Variants in RAB40B observed in about 807,000 individuals in gnomAD.
RAB40B encodes the protein RAB40B, member RAS oncogene family.
In RAB40B, 21 loss-of-function variants were observed where a neutral mutation model predicts 24.0. The observed-to-expected ratio is 0.88, with a 90% CI of 0.62 to 1.26. RAB40B has a LOEUF of 1.26. Among genes scored for constraint, RAB40B ranks in the 50% most tolerant of loss-of-function variants. The pLI, the probability that RAB40B is intolerant of heterozygous loss-of-function variation, is 0.00. For missense variants in RAB40B, 348 were observed against 390.5 expected, an observed-to-expected ratio of 0.89 and a Z score of 0.92; for synonymous variants, 167 against 169.8, an observed-to-expected ratio of 0.98 and a Z score of 0.13.
In RAB40B at chr17:82,689,197, G is replaced by C. The variant is rs546800996; in HGVS notation, c.142+9258C>G. Among the ~76,000 whole-genome samples the C allele has an allele frequency of 3.3e-5, 5 of 152,372 alleles. No individual in the cohort carries two copies. In the South Asian group the frequency reaches 1.0e-3, roughly 32 times the overall value. On this transcript the variant is annotated intron_variant, in intron 1 of 5. Coordinates refer to ENST00000571995, the MANE Select transcript of RAB40B (RefSeq NM_006822.3). ...CTTCACTCCAAATGCACCCAGCGCG[G>C]AGCAGCCTGCACTCCTGGGGCAGGA... is the stretch of plus-strand genomic sequence containing the variant.
rs146669446 is a variant in RAB40B at position 82,681,796 on chromosome 17, T to C, written c.142+16659A>G. Among the ~76,000 whole-genome samples the C allele has an allele frequency of 4.3e-3, 657 of 152,218 alleles. 7 individuals carry two copies. The highest frequency in any genetic ancestry group is 0.018 in the South Asian group (86 of 4,816). Reference sequence around the variant, plus strand: ...AAAAGAAAAACCCACATGATCTCAGTGAGGCAGCATTTGACAAAATCCAAT... The same window carrying C: ...AAAAGAAAAACCCACATGATCTCAGCGAGGCAGCATTTGACAAAATCCAAT... On this transcript the variant is annotated intron_variant, in intron 1 of 5. Transcript: ENST00000571995.
intron 1 of RAB40B, among the ~76,000 whole-genome samples, chr17:82,666,497 G>A (rs896278579): frequency 2.0e-5 from 3 of 147,602 alleles, no homozygotes; most frequent in Admixed American, 6.7e-5. Context: ...CACTTGTCTC[G>A]GCCTCCCAAA....
In RAB40B at chr17:82,657,652, A is replaced by G. The variant is rs1253179159; in HGVS notation, c.*211T>C. The G allele has an allele frequency of 2.9e-5, 20 of 699,214 alleles. No homozygotes were observed. The highest frequency in any genetic ancestry group is 2.3e-4 in the Middle Eastern group (1 of 4,334). The allele number at this position is 699,214 out of a possible 1,614,324, so 43.3% of individuals were successfully genotyped here. A position where few individuals can be genotyped will look rare whatever the true frequency, so the allele number is the denominator to read the frequency against. The stretch of plus-strand genomic sequence containing the variant: ...CAGAGTACTAATTTTCCCTTTACAA[A>G]CACACATCGAAAACAAGAGCTTCAT... On this transcript the variant is annotated 3_prime_UTR_variant, in exon 6 of 6. Transcript: ENST00000571995.
At chr17:82,678,385 G>A (rs558751297) in intron 1 of RAB40B, among the ~76,000 whole-genome samples, 3 of 152,230 alleles carry the variant, frequency 2.0e-5, no homozygotes, top group African/African-American at 7.2e-5. Flanking sequence ...GAGTGAGTCA[G>A]AAAACAGGGA....
chr17:82,665,270 T>G (rs1598298792), intron 1 of RAB40B, among the ~76,000 whole-genome samples: 1 of 138,568 alleles, frequency 7.2e-6, no homozygotes, highest in East Asian at 2.1e-4. Flanking sequence ...TTTTTTTTTT[T>G]GAGACAGAGT....
chr17:82,657,819 GCTT>G lies in RAB40B; in HGVS notation c.*41_*43del. 6.2e-7 allele frequency: 1 copy of G among 1,607,886 alleles called. No homozygotes were observed. The highest frequency in any genetic ancestry group is 8.5e-7 in the Non-Finnish European group (1 of 1,176,516). ...CACCAGCTGCCGGGGGTAACGCCGAGCTTCTCCTGGAGAGATTCCGCCGTGTTT... is the reference window on the plus strand; with the variant it reads ...CACCAGCTGCCGGGGGTAACGCCGAGCTCCTGGAGAGATTCCGCCGTGTTT... On this transcript the variant is annotated 3_prime_UTR_variant, in exon 6 of 6. Transcript: ENST00000571995.
At chr17:82,676,191 C>G (rs2046391805) in intron 1 of RAB40B, among the ~76,000 whole-genome samples, 1 of 152,302 alleles carries the variant, frequency 6.6e-6, no homozygotes, top group African/African-American at 2.4e-5. Flanking sequence ...GTCAGCTCAG[C>G]AAAGGCTCCA....
rs114898379 is a variant in RAB40B at position 82,667,727 on chromosome 17, T to G, written c.143-3171A>C. On this transcript the variant is annotated intron_variant, in intron 1 of 5. Coordinates refer to ENST00000571995, the MANE Select transcript of RAB40B (RefSeq NM_006822.3). The surrounding 1 kb of genome is among the most constrained non-coding windows in gnomAD (Gnocchi z 4.3). ...AACTCCCCCCGTCAGAGGAGAGTGA[T>G]TCAGAGGACAAAAGATACAGCAGCA... is the stretch of plus-strand genomic sequence containing the variant. 0.023 allele frequency among the ~76,000 whole-genome samples: 3,468 copies of G among 152,106 alleles called. 43 individuals carry two copies. The highest frequency in any genetic ancestry group is 0.044 in the Middle Eastern group (13 of 294).
At position 82,657,986 on chromosome 17, in the gene RAB40B, G is replaced by A. The variant is rs754329781; in HGVS notation, c.714C>T (p.Gly238=). 1.2e-6 allele frequency: 2 copies of A among 1,614,158 alleles called. No individual in the cohort carries two copies. The highest frequency in any genetic ancestry group is 1.3e-5 in the African/African-American group (1 of 75,036). ...ANGLNARMMH[G]GSYSLTTSST... is the part of the protein sequence containing the mutation. ...AGCTGGTGGTGAGGGAGTAGGAACC[G>A]CCGTGCATCATCCTGGCATTCAGGC... is the stretch of plus-strand genomic sequence containing the variant. Residue 238 remains glycine, a synonymous_variant, in exon 6 of 6, where the codon GGC becomes GGT. Coordinates refer to ENST00000571995, the MANE Select transcript of RAB40B (RefSeq NM_006822.3).
chr17:82,678,097 A>G (rs993682498), intron 1 of RAB40B, among the ~76,000 whole-genome samples: 45 of 152,218 alleles, frequency 3.0e-4, no homozygotes, highest in African/African-American at 8.9e-4. Flanking sequence ...ATTTTGTTTC[A>G]GTCTTTGCAG....
chr17:82,698,597 C>T lies in RAB40B; in HGVS notation c.-1G>A, dbSNP rs769688767. The T allele has an allele frequency of 6.9e-7, 1 of 1,452,298 alleles. No homozygotes were observed. The highest frequency in any genetic ancestry group is 9.2e-7 in the Non-Finnish European group (1 of 1,087,376). 90.0% of individuals were successfully genotyped at this position (1,452,298 alleles called of 1,614,324 possible). On this transcript the variant is annotated 5_prime_UTR_variant, in exon 1 of 6. Transcript: ENST00000571995. ...GGACCGGGCTGCCCAGGGCGCTCAT[C>T]GTGACGGCCCGGCGCCCCCACCCAT...
At chr17:82,688,147 C>T (rs1335885168) in intron 1 of RAB40B, among the ~76,000 whole-genome samples, 1 of 152,046 alleles carries the variant, frequency 6.6e-6, no homozygotes, top group Non-Finnish European at 1.5e-5. Flanking sequence ...TCTCTGCCAG[C>T]CGGGGCCCAA....
Position 82,658,588 on chromosome 17 carries a change from GCTGA to G in RAB40B, c.464_467del (p.Val155AlafsTer35). 1 of 1,613,712 alleles carries G rather than the reference GCTGA, an allele frequency of 6.2e-7. No individual in the cohort carries two copies. The highest frequency in any genetic ancestry group is 1.1e-5 in the South Asian group (1 of 91,084). The stretch of plus-strand genomic sequence containing the variant: ...CTGTGATGTTGAAATTGCACAGAGG[GCTGA>G]CCTCAAAGAAGGTCACGCCCAGGCG... On this transcript the variant is annotated frameshift_variant, in exon 5 of 6. Coordinates refer to ENST00000571995, the MANE Select transcript of RAB40B (RefSeq NM_006822.3). LOFTEE classifies it high-confidence loss of function.
rs1272564044 is a variant in RAB40B at position 82,697,898 on chromosome 17, C to T, written c.142+557G>A. Among the ~76,000 whole-genome samples the T allele has an allele frequency of 6.6e-6, 1 of 152,066 alleles. No homozygotes were observed. The highest frequency in any genetic ancestry group is 2.4e-5 in the African/African-American group (1 of 41,412). On this transcript the variant is annotated intron_variant, in intron 1 of 5. Transcript: ENST00000571995. This position sits in a 1 kb window ranked among gnomAD's most constrained non-coding sequence, Gnocchi z 4.9. The stretch of plus-strand genomic sequence containing the variant: ...TGCTCCTTCCTCTCCCCCGGACACG[C>T]GGGACCCCTGGCCTCGGGACCGGAC...
At chr17:82,664,352 G>C in intron 2 of RAB40B, 144 bp downstream of exon 2, 2 of 753,988 alleles carry the variant, frequency 2.7e-6, no homozygotes, top group Non-Finnish European at 4.4e-6. Flanking sequence ...GACGGTGGTG[G>C]TGGGAGGGTG....
chr17:82,680,924 G>C (rs538529204), intron 1 of RAB40B, among the ~76,000 whole-genome samples: 1 of 147,160 alleles, frequency 6.8e-6, no homozygotes, highest in East Asian at 2.0e-4. Flanking sequence ...CAGCTACTCA[G>C]GAGGCTGAGG....
chr17:82,678,714 G>A (rs973448092), intron 1 of RAB40B, among the ~76,000 whole-genome samples: 1 of 152,156 alleles, frequency 6.6e-6, no homozygotes, highest in South Asian at 2.1e-4. Flanking sequence ...CGGGGCAGAG[G>A]GGAGGGGCAG....
Position 82,675,326 on chromosome 17 carries a change from AC to A in RAB40B, c.143-10771del, listed in dbSNP as rs2046384513. Among the ~76,000 whole-genome samples, 1 of 152,082 alleles carries A rather than the reference AC, an allele frequency of 6.6e-6. No homozygotes were observed. On this transcript the variant is annotated intron_variant, in intron 1 of 5. Transcript: ENST00000571995. The surrounding 1 kb of genome is among the most constrained non-coding windows in gnomAD (Gnocchi z 4.5). ...CCCGGATGCATAACCCACACCCACA[AC>A]CTGCCCTGGCAAATGACCAGCTTTG... is the stretch of plus-strand genomic sequence containing the variant.
chr17:82,679,177 A>G (rs926069253), intron 1 of RAB40B, among the ~76,000 whole-genome samples: 5 of 150,000 alleles, frequency 3.3e-5, no homozygotes, highest in Non-Finnish European at 7.4e-5. Flanking sequence ...ACCACTGAGC[A>G]GCTCCCTTTC....
Sources: allele counts gnomAD v4.1 joint callset (sites outside exome capture counted in the v4.1 genomes callset), GRCh38; gene constraint gnomAD v4.1.1; non-coding constraint Gnocchi (gnomAD v3.1); transcripts MANE v1.5; gene names NCBI Gene and HGNC (gene_info 2026-07-23, HGNC 2026-07-21).